The following OPRM1 variants were observed in gnomAD, a reference collection of about 807,000 sequenced individuals.
OPRM1 encodes opioid receptor mu 1.
OPRM1 carries 27 observed loss-of-function variants against 31.8 expected under a neutral mutation model. That is an observed-to-expected ratio of 0.85 (90% CI 0.63 to 1.17). OPRM1 has a LOEUF of 1.17. Ranked by LOEUF, OPRM1 falls within the 50% of genes most tolerant of loss-of-function variation. The probability of loss-of-function intolerance (pLI) is 0.00; values close to 1 mark genes in which losing one functional copy is unlikely to be tolerated. For synonymous variants in OPRM1, 196 were observed against 189.9 expected, an observed-to-expected ratio of 1.03 and a Z score of -0.26; for missense variants, 536 against 511.1, an observed-to-expected ratio of 1.05 and a Z score of -0.47.
rs571511337 is a variant in OPRM1, at chr6:154,212,793, G to A, written c.1165-33900G>A. 5.6e-6 allele frequency: 9 copies of A among 1,612,976 alleles called. No homozygotes were observed. The African/African-American group carries it at 9.3e-5, about 17-fold the overall frequency. On this transcript the variant is annotated intron_variant, in intron 3 of 3. Transcript: ENST00000337049. ...ACCAAAGACTGAGTCTGGGAAGCGT[G>A]AGGAGGGGGTGGTGTCTCCGCAGCT... is the stretch of plus-strand genomic sequence containing the variant.
rs767947264 is a variant in OPRM1, at chr6:154,091,012, A to G, written c.704A>G (p.Lys235Arg). The part of the protein sequence containing the change: ...HPTWYWENLL[K>R]ICVFIFAFIM... ...ACCTGGTACTGGGAAAACCTGCTGA[A>G]GATCTGTGTTTTCATCTTCGCCTTC... The change falls in exon 3 of 4, where the codon AAG becomes AGG. Residue 235 changes from lysine to arginine, a missense_variant. Lys to Arg is a conservative substitution (Grantham distance 26). Coordinates refer to ENST00000330432, the MANE Select transcript of OPRM1 (RefSeq NM_000914.5). 4 of 1,614,048 alleles carry G rather than the reference A, an allele frequency of 2.5e-6. No individual in the cohort carries two copies. The highest frequency in any genetic ancestry group is 3.4e-6 in the Non-Finnish European group (4 of 1,179,992).
intron 3 of OPRM1, among the ~76,000 whole-genome samples, chr6:154,203,352 T>C (rs1306462344): frequency 6.6e-6 from 1 of 152,126 alleles, no homozygotes; most frequent in Non-Finnish European, 1.5e-5. Flanking sequence ...GTTATTTCTA[T>C]CATAATAGGT....
chr6:154,094,718 G>A (rs987884210), intron 3 of OPRM1, among the ~76,000 whole-genome samples: 7 of 152,224 alleles, frequency 4.6e-5, no homozygotes, highest in Non-Finnish European at 8.8e-5. Flanking sequence ...TTGGCATAGA[G>A]TAGGAATTGG....
chr6:154,211,383 C>T (rs1326959784), intron 3 of OPRM1, among the ~76,000 whole-genome samples: 29 of 150,178 alleles, frequency 1.9e-4, no homozygotes, highest in Admixed American at 1.7e-3. Flanking sequence ...CACTCCAGGC[C>T]GGGTGACAGA....
intron 3 of OPRM1, among the ~76,000 whole-genome samples, chr6:154,204,302 G>A (rs1200244688): frequency 1.3e-5 from 2 of 152,144 alleles, no homozygotes; most frequent in Non-Finnish European, 2.9e-5. Context: ...CCCAAACCCT[G>A]TAATTAGGCA....
At chr6:154,088,015 A>G (rs1791049948) in intron 1 of OPRM1, among the ~76,000 whole-genome samples, 1 of 152,164 alleles carries the variant, frequency 6.6e-6, no homozygotes, top group Non-Finnish European at 1.5e-5. Flanking sequence ...TTGCACATGA[A>G]TGTTCGTAAC....
rs554700311 is a variant in OPRM1 at position 154,200,137 on chromosome 6, A to G, written c.1165-46556A>G. 8.4e-5 allele frequency: 97 copies of G among 1,155,208 alleles called. No individual in the cohort carries two copies. The African/African-American group carries it at 1.4e-3, about 17-fold the overall frequency. The allele number at this position is 1,155,208 out of a possible 1,614,324, so 71.6% of individuals were successfully genotyped here. ...TTTTCAATCACGGTGTCCCCGTGTT[A>G]TTTCAAAAAGTGACCAATAATAAAA... On this transcript the variant is annotated intron_variant, in intron 3 of 3. Coordinates refer to the OPRM1 transcript ENST00000337049.
chr6:154,136,265 C>A (rs1399102859), downstream of OPRM1, among the ~76,000 whole-genome samples: 5 of 152,174 alleles, frequency 3.3e-5, no homozygotes, highest in African/African-American at 9.7e-5. Flanking sequence ...GTCTCTATCT[C>A]CCCATCACCA....
At chr6:154,016,181 T>C (rs1373158807) in intron 1 of OPRM1, among the ~76,000 whole-genome samples, 3 of 152,126 alleles carry the variant, frequency 2.0e-5, no homozygotes, top group Non-Finnish European at 2.9e-5. Context: ...GAACAGCAAA[T>C]GTCAGAGAAC....
intron 1 of OPRM1, among the ~76,000 whole-genome samples, chr6:154,088,373 A>G (rs946553020): frequency 1.3e-5 from 2 of 152,222 alleles, no homozygotes; most frequent in Non-Finnish European, 2.9e-5. Context: ...GAGCTACACA[A>G]AGACACTTTT....
intron 3 of OPRM1, chr6:154,246,656 T>C: frequency 6.2e-7 from 1 of 1,614,114 alleles, no homozygotes; most frequent in Non-Finnish European, 8.5e-7. Flanking sequence ...TTCCATTTGT[T>C]GCTTAGGAAA....
At chr6:154,026,977 G>A (rs1583143728) in intron 1 of OPRM1, among the ~76,000 whole-genome samples, 1 of 152,074 alleles carries the variant, frequency 6.6e-6, no homozygotes, top group Non-Finnish European at 1.5e-5. Context: ...TCATTTAGTG[G>A]GGTCGTATTT....
intron 1 of OPRM1, among the ~76,000 whole-genome samples, chr6:154,047,336 A>C (rs1055852592): frequency 2.8e-4 from 42 of 152,150 alleles, no homozygotes; most frequent in African/African-American, 9.9e-4. Flanking sequence ...ATGGGGAAAG[A>C]CAAGGAATGA....
intron 3 of OPRM1, among the ~76,000 whole-genome samples, chr6:154,205,921 A>T (rs967982647): frequency 2.6e-4 from 40 of 152,164 alleles, no homozygotes; most frequent in African/African-American, 8.9e-4. Flanking sequence ...AAACTCACCC[A>T]GATCCCCTTT....
intron 1 of OPRM1, among the ~76,000 whole-genome samples, chr6:154,032,435 TC>T (rs1779063703): frequency 6.6e-6 from 1 of 152,152 alleles, no homozygotes; most frequent in African/African-American, 2.4e-5. Flanking sequence ...AATTTATACT[TC>T]TTTTAAAATT....
intron 1 of OPRM1, among the ~76,000 whole-genome samples, chr6:154,017,990 G>A (rs886250887): frequency 6.6e-6 from 1 of 152,160 alleles, no homozygotes; most frequent in Non-Finnish European, 1.5e-5. Flanking sequence ...TCTTCACCAT[G>A]TAGAATAATG....
At chr6:154,092,720 T>C (rs1215804488) in intron 3 of OPRM1, among the ~76,000 whole-genome samples, 2 of 152,208 alleles carry the variant, frequency 1.3e-5, no homozygotes, top group Non-Finnish European at 2.9e-5. Context: ...AGAGGACTAA[T>C]GTAATATGGC....
At chr6:154,092,157 G>A (rs1792408852) in intron 3 of OPRM1, among the ~76,000 whole-genome samples, 1 of 151,984 alleles carries the variant, frequency 6.6e-6, no homozygotes, top group East Asian at 1.9e-4. Context: ...AGGGTGAATA[G>A]CGACTAGCTT....
At chr6:154,022,363 G>A (rs1778425571) in intron 1 of OPRM1, among the ~76,000 whole-genome samples, 1 of 140,142 alleles carries the variant, frequency 7.1e-6, no homozygotes, top group African/African-American at 3.0e-5. Context: ...AAGAAGAGAA[G>A]AGCCTCTGCT....
Sources: gnomAD v4.1 joint callset for allele counts (sites outside exome capture counted in the v4.1 genomes callset) on GRCh38, gnomAD v4.1.1 for gene constraint, MANE v1.5 for transcripts, NCBI Gene and HGNC (gene_info 2026-07-23, HGNC 2026-07-21) for gene names.